The following MLXIP variants were observed in gnomAD, a reference collection of about 807,000 sequenced individuals.
MLXIP encodes MLX-interacting protein.
A neutral mutation model predicts 87.2 loss-of-function variants in MLXIP; 30 were observed. That is an observed-to-expected ratio of 0.34 (90% CI 0.26 to 0.47). The LOEUF is 0.47. MLXIP is among the 20% of genes least tolerant of loss of function. MLXIP has a pLI of 1.00. For synonymous variants in MLXIP, 530 were observed against 514.0 expected (o/e 1.03, Z -0.42); for missense variants, 1,002 against 1,240.1 (o/e 0.81, Z 2.88).
chr12:122,118,866 T>C (rs183127540), intron 1 of MLXIP, among the ~76,000 whole-genome samples: 32 of 133,602 alleles, frequency 2.4e-4, no homozygotes, highest in Admixed American at 7.6e-4. Context: ...AAATAGATAA[T>C]AAAAATAAAA....
chr12:122,079,001 G>T lies in MLXIP; in HGVS notation c.148G>T (p.Ala50Ser). 8.6e-7 allele frequency: 1 copy of T among 1,168,726 alleles called. No homozygotes were observed. The highest frequency in any genetic ancestry group is 1.1e-6 in the Non-Finnish European group (1 of 948,280). 72.4% of individuals were successfully genotyped at this position (1,168,726 alleles called of 1,614,324 possible). Residue 50 changes from alanine (A) to serine (S), a missense_variant, in exon 1 of 17, where the codon GCC becomes TCC. Ala to Ser is a moderately conservative substitution (Grantham distance 99). This residue lies in a region of MLXIP where 129 missense variants were observed against 104.2 expected (regional missense o/e 1.24). Transcript: ENST00000319080. Reference protein sequence around the residue: ...PPPASGAATPARAHASAAPPP... With the variant: ...PPPASGAATPSRAHASAAPPP... ...GCCCGCCTCCGGCGCGGCCACCCCG[G>T]CCCGGGCCCACGCGAGCGCCGCGCC...
rs1953313871 is a variant in MLXIP at position 122,146,973 on chromosome 12, GAATCTT to G, written c.*5162_*5167del. 1 of 152,198 alleles carries G rather than the reference GAATCTT, an allele frequency of 6.6e-6. No homozygotes were observed. The highest frequency in any genetic ancestry group is 1.5e-5 in the Non-Finnish European group (1 of 68,044). 9.4% of individuals were successfully genotyped at this position (152,198 alleles called of 1,614,324 possible). On this transcript the variant is annotated 3_prime_UTR_variant, in exon 17 of 17. Transcript: ENST00000319080. Reference sequence around the variant, plus strand: ...CCACAGTGCCCCCTTTTCTCTAGCCGAATCTTTTTCGAACAGCCCGGGAAAGGAAAA... The same window carrying G: ...CCACAGTGCCCCCTTTTCTCTAGCCGTTTCGAACAGCCCGGGAAAGGAAAA...
At chr12:122,118,441 C>G (rs1341823898) in intron 1 of MLXIP, among the ~76,000 whole-genome samples, 1 of 152,236 alleles carries the variant, frequency 6.6e-6, no homozygotes, top group Non-Finnish European at 1.5e-5. Context: ...CAGCTCATCT[C>G]TGCAAAGGGA....
chr12:122,121,839 A>G (rs1952789296), intron 1 of MLXIP, among the ~76,000 whole-genome samples: 1 of 152,198 alleles, frequency 6.6e-6, no homozygotes, highest in Non-Finnish European at 1.5e-5. Flanking sequence ...TGTACTGTGA[A>G]TTTCCTGTTT....
chr12:122,097,750 C>G (rs1029984806), intron 1 of MLXIP, among the ~76,000 whole-genome samples: 5 of 152,150 alleles, frequency 3.3e-5, no homozygotes. Context: ...TTTCCTGGCC[C>G]GGTGGAATGC....
intron 1 of MLXIP, among the ~76,000 whole-genome samples, chr12:122,092,288 A>G (rs540533821): frequency 6.6e-6 from 1 of 152,178 alleles, no homozygotes; most frequent in South Asian, 2.1e-4. Flanking sequence ...TTGTAGAGAC[A>G]GGGTTTTGCC....
At chr12:122,129,533 C>T (rs1042145053) in intron 4 of MLXIP, 55 bp from the exon 5 acceptor site, 1 of 1,601,346 alleles carries the variant, frequency 6.2e-7, no homozygotes, top group Admixed American at 1.7e-5. Flanking sequence ...TTCTAGAGCC[C>T]TTGGGCCCTC....
intron 1 of MLXIP, among the ~76,000 whole-genome samples, chr12:122,084,169 T>TGTGC (rs1952132718): frequency 6.6e-6 from 1 of 151,526 alleles, no homozygotes; most frequent in African/African-American, 2.4e-5. Context: ...TGTGTGTGTG[T>TGTGC]GTGTGTGTGT....
At chr12:122,118,190 T>C (rs1327241054) in intron 1 of MLXIP, among the ~76,000 whole-genome samples, 5 of 151,788 alleles carry the variant, frequency 3.3e-5, no homozygotes, top group African/African-American at 1.2e-4. Flanking sequence ...GGATGAGTCA[T>C]GTCCCAGGCG....
chr12:122,131,138 G>T (rs1379846928), intron 7 of MLXIP, among the ~76,000 whole-genome samples: 1 of 152,096 alleles, frequency 6.6e-6, no homozygotes, highest in Admixed American at 6.6e-5. Context: ...AAGGAAATTG[G>T]CTCTGGATTT....
Position 122,078,951 on chromosome 12 carries a change from C to G in MLXIP, c.98C>G (p.Ser33Trp). The G allele has an allele frequency of 9.0e-7, 1 of 1,114,504 alleles. No individual in the cohort carries two copies. The allele number at this position is 1,114,504 out of a possible 1,614,324, so 69.0% of individuals were successfully genotyped here. Reference protein sequence around the residue: ...KPQVSEDDDDSDTDEPSPPPA... With the variant: ...KPQVSEDDDDWDTDEPSPPPA... ...CAGGTGTCCGAGGACGACGACGACTCGGACACGGATGAGCCGTCCCCGCCG... is the reference window on the plus strand; with the variant it reads ...CAGGTGTCCGAGGACGACGACGACTGGGACACGGATGAGCCGTCCCCGCCG... The change falls in exon 1 of 17, where the codon TCG (serine) becomes TGG (tryptophan). Residue 33 changes from serine (S) to tryptophan (W), a missense_variant. Physicochemically the swap from Ser to Trp is radical, Grantham distance 177 (BLOSUM62 -3). This residue lies in a region of MLXIP where 129 missense variants were observed against 104.2 expected (regional missense o/e 1.24). Transcript: ENST00000319080.
At chr12:122,081,552 G>A (rs1467243357) in intron 1 of MLXIP, among the ~76,000 whole-genome samples, 2 of 152,160 alleles carry the variant, frequency 1.3e-5, no homozygotes, top group Non-Finnish European at 2.9e-5. Context: ...GCGGGGCGTG[G>A]TGGCTCATGC....
intron 1 of MLXIP, among the ~76,000 whole-genome samples, chr12:122,084,800 G>A (rs894201830): frequency 2.0e-5 from 3 of 152,104 alleles, no homozygotes; most frequent in African/African-American, 4.8e-5. Flanking sequence ...GGCCAGTCTC[G>A]GCCTCCCAAA....
intron 9 of MLXIP, chr12:122,134,816 AG>A (rs1394165792): frequency 4.1e-6 from 1 of 246,168 alleles, no homozygotes; most frequent in East Asian, 1.2e-4. Flanking sequence ...CTGAGATTAC[AG>A]GCATGTGCCA....
intron 1 of MLXIP, among the ~76,000 whole-genome samples, chr12:122,085,873 G>C (rs1310133385): frequency 6.6e-6 from 1 of 152,170 alleles, no homozygotes; most frequent in East Asian, 1.9e-4. Flanking sequence ...ACCTGTGACT[G>C]TGCTAGGTCA....
chr12:122,085,265 T>C (rs1167629785), intron 1 of MLXIP, among the ~76,000 whole-genome samples: 1 of 151,426 alleles, frequency 6.6e-6, no homozygotes, highest in Non-Finnish European at 1.5e-5. Flanking sequence ...GATCCCGGCT[T>C]ACCAGAATCC....
intron 2 of MLXIP, 85 bp from the exon 3 acceptor site, chr12:122,127,798 C>A: frequency 9.6e-7 from 1 of 1,044,468 alleles, no homozygotes; most frequent in Non-Finnish European, 1.5e-6. Flanking sequence ...ATGTGGTCTG[C>A]CCTAGGGGAG....
intron 3 of MLXIP, chr12:122,128,900 G>A (rs1206329757): frequency 3.7e-5 from 20 of 535,686 alleles, no homozygotes; most frequent in Admixed American, 2.8e-4. Context: ...CCTCAGGACC[G>A]TGCCCCCAAG....
At position 122,133,950 on chromosome 12, in the gene MLXIP, C is replaced by T. The variant is rs767167506; in HGVS notation, c.1695C>T (p.Pro565=). ...TAGTGCCTGCTCCCAAACCAGAGCC[C>T]GTGTCCTTGGTGTTGAAGAATGCCC... ...HKIVPAPKPE[P]VSLVLKNARI... The change falls in exon 9 of 17, where the codon CCC becomes CCT. Residue 565 remains proline (P), a synonymous_variant. Coordinates refer to ENST00000319080, the MANE Select transcript of MLXIP (RefSeq NM_014938.6). The surrounding 1 kb of genome is among the most constrained non-coding windows in gnomAD (Gnocchi z 4.9). 3.1e-6 allele frequency: 5 copies of T among 1,606,188 alleles called. No homozygotes were observed. The highest frequency in any genetic ancestry group is 3.4e-5 in the Admixed American group (2 of 59,214).
Sources: allele counts gnomAD v4.1 joint callset (sites outside exome capture counted in the v4.1 genomes callset), GRCh38; gene constraint gnomAD v4.1.1; regional missense constraint gnomAD v4.1.1; non-coding constraint Gnocchi (gnomAD v3.1); transcripts MANE v1.5; gene names NCBI Gene and HGNC (gene_info 2026-07-23, HGNC 2026-07-21).